The following CCDC171 variants were observed in gnomAD, a reference collection of about 807,000 sequenced individuals.
CCDC171 encodes the protein coiled-coil domain containing 171.
In CCDC171, 177 loss-of-function variants were observed where a neutral mutation model predicts 168.2. The ratio of observed to expected loss-of-function variants is 1.05; its 90% CI spans 0.93 to 1.19. CCDC171 has a LOEUF of 1.19. CCDC171 is among the 50% of genes most tolerant of loss of function. The pLI is 0.00. For synonymous variants in CCDC171, 687 were observed against 540.8 expected (o/e 1.27, Z -3.75); for missense variants, 1,991 against 1,539.0 (o/e 1.29, Z -4.91).
At chr9:15,993,169 GCAT>G (rs1354522654) in intron 3 of CCDC171, among the ~76,000 whole-genome samples, 1 of 151,774 alleles carries the variant, frequency 6.6e-6, no homozygotes, top group Non-Finnish European at 1.5e-5. Flanking sequence ...AAAGCTGGAG[GCAT>G]CATGCTACCT....
At chr9:16,000,237 C>T (rs79156074) in intron 3 of CCDC171, among the ~76,000 whole-genome samples, 5,546 of 152,184 alleles carry the variant, frequency 0.036, 153 homozygotes, top group Non-Finnish European at 0.061. Context: ...TTATGAAGCT[C>T]AAAAAGTTTG....
At chr9:16,097,113 G>C in the CCDC171 span, among the ~76,000 whole-genome samples, 6 of 152,274 alleles carry the variant, frequency 3.9e-5, no homozygotes, top group South Asian at 1.2e-3. Flanking sequence ...AGCGAATAGG[G>C]GGAAGAAGCT....
At chr9:15,794,816 C>G (rs950346301) in intron 21 of CCDC171, among the ~76,000 whole-genome samples, 9 of 152,168 alleles carry the variant, frequency 5.9e-5, no homozygotes, top group Admixed American at 3.3e-4. Context: ...GAAGTAAACC[C>G]AATGTAGTCG....
At chr9:15,770,984 C>G (rs2056982402) in intron 18 of CCDC171, among the ~76,000 whole-genome samples, 1 of 151,990 alleles carries the variant, frequency 6.6e-6, no homozygotes, top group Non-Finnish European at 1.5e-5. Context: ...TATTTTTACT[C>G]CCACTCAATG....
At chr9:15,793,975 GT>G (rs1309701307) in intron 21 of CCDC171, among the ~76,000 whole-genome samples, 1 of 150,572 alleles carries the variant, frequency 6.6e-6, no homozygotes, top group Non-Finnish European at 1.5e-5. Context: ...ATTCCTTTAG[GT>G]TTTTTTTTCT....
chr9:15,793,530 C>T (rs769324742), intron 21 of CCDC171, among the ~76,000 whole-genome samples: 2 of 148,814 alleles, frequency 1.3e-5, no homozygotes, highest in Non-Finnish European at 3.0e-5. Context: ...CTTTTCAGCA[C>T]CACATCGCAC....
rs895783552 is a variant in CCDC171, at chr9:15,806,952, C to A, written c.3267+22258C>A. 5.3e-5 allele frequency among the ~76,000 whole-genome samples: 8 copies of A among 152,176 alleles called. No homozygotes were observed. The East Asian group carries it at 9.6e-4, about 18-fold the overall frequency. ...TTCATTTTTCTTTGTTTTCATCTGT[C>A]TTATTTCAGAGAGCCAGTCTTCAAG... On this transcript the variant is annotated intron_variant, in intron 21 of 25. Coordinates refer to ENST00000380701, the MANE Select transcript of CCDC171 (RefSeq NM_173550.4).
chr9:15,654,807 A>G (rs1475406382), intron 7 of CCDC171, among the ~76,000 whole-genome samples: 3 of 152,116 alleles, frequency 2.0e-5, no homozygotes, highest in Non-Finnish European at 2.9e-5. Flanking sequence ...TGGGTGCAGG[A>G]CAGTGGGTGC....
chr9:16,000,278 C>G (rs75921819), intron 3 of CCDC171, among the ~76,000 whole-genome samples: 1 of 152,074 alleles, frequency 6.6e-6, no homozygotes, highest in Non-Finnish European at 1.5e-5. Flanking sequence ...CTTTTCTTTC[C>G]GTATTATTCT....
At chr9:16,069,605 G>C in the CCDC171 span, among the ~76,000 whole-genome samples, 113 of 152,356 alleles carry the variant, frequency 7.4e-4, no homozygotes, top group African/African-American at 2.5e-3. Context: ...TGCTACATTA[G>C]AATTTATAAT....
chr9:15,784,387 A>G (rs1206671055), intron 20 of CCDC171, 122 bp from the exon 21 acceptor site: 3 of 525,318 alleles, frequency 5.7e-6, no homozygotes, highest in Non-Finnish European at 9.4e-6. Flanking sequence ...AGCTAATTGT[A>G]TTTTTTTAAT....
intron 3 of CCDC171, among the ~76,000 whole-genome samples, chr9:15,572,134 T>G (rs1309764200): frequency 2.6e-5 from 4 of 152,182 alleles, no homozygotes; most frequent in Admixed American, 2.6e-4. Flanking sequence ...GAGTATGGAA[T>G]TTTTAATCAT....
chr9:15,775,192 T>A (rs1588426432), intron 18 of CCDC171, among the ~76,000 whole-genome samples: 1 of 152,230 alleles, frequency 6.6e-6, no homozygotes, highest in East Asian at 1.9e-4. Flanking sequence ...GTGCTCTTAC[T>A]GTAATTCATT....
intron 25 of CCDC171, among the ~76,000 whole-genome samples, chr9:15,941,725 T>C (rs1275253070): frequency 1.3e-5 from 2 of 151,958 alleles, no homozygotes; most frequent in Admixed American, 1.3e-4. Context: ...CAGCCTGAAA[T>C]GCTCTCTTTT....
In CCDC171 at chr9:15,845,470, G is replaced by C. The variant is rs142191678; in HGVS notation, c.3268-1232G>C. Among the ~76,000 whole-genome samples the C allele has an allele frequency of 7.7e-3, 1,167 of 152,084 alleles. 12 individuals carry two copies. The highest frequency in any genetic ancestry group is 0.01 in the Non-Finnish European group (690 of 67,934). On this transcript the variant is annotated intron_variant, in intron 21 of 25. Coordinates refer to ENST00000380701, the MANE Select transcript of CCDC171 (RefSeq NM_173550.4). ...AAAATACCTGGTTTGACTGATGATG[G>C]CTTGCAGTTCACCAGCATTTAGAGG... is the stretch of plus-strand genomic sequence containing the variant.
intron 21 of CCDC171, among the ~76,000 whole-genome samples, chr9:15,791,725 G>A (rs1346027748): frequency 6.6e-6 from 1 of 152,122 alleles, no homozygotes; most frequent in African/African-American, 2.4e-5. Flanking sequence ...GTCTGGAGTG[G>A]ACCTTCAGCA....
At chr9:15,558,336 G>A (rs28800775) in intron 1 of CCDC171, among the ~76,000 whole-genome samples, 8,303 of 152,178 alleles carry the variant, frequency 0.055, 283 homozygotes, top group African/African-American at 0.086. Context: ...TTGTACCTCT[G>A]GTAGAATTTG....
At chr9:15,577,484 A>G (rs1167386910) in intron 3 of CCDC171, among the ~76,000 whole-genome samples, 5 of 152,216 alleles carry the variant, frequency 3.3e-5, no homozygotes, top group Admixed American at 1.3e-4. Flanking sequence ...TATGCTGTAG[A>G]TCACTAGAAT....
chr9:15,618,153 A>G (rs926109457), intron 6 of CCDC171, among the ~76,000 whole-genome samples: 1 of 152,162 alleles, frequency 6.6e-6, no homozygotes, highest in South Asian at 2.1e-4. Flanking sequence ...GCTCTGTCCT[A>G]CCAGGATGAG....
Sources: gnomAD v4.1 joint callset for allele counts (sites outside exome capture counted in the v4.1 genomes callset) on GRCh38, gnomAD v4.1.1 for gene constraint, MANE v1.5 for transcripts, NCBI Gene and HGNC (gene_info 2026-07-23, HGNC 2026-07-21) for gene names.